The following THAP10 variants were observed in gnomAD, a reference collection of about 807,000 sequenced individuals.
The protein encoded by THAP10 is THAP domain containing 10.
THAP10 carries 10 observed loss-of-function variants against 15.7 expected under a neutral mutation model. The observed-to-expected ratio is 0.64, with a 90% CI of 0.39 to 1.08. The LOEUF (loss-of-function observed/expected upper bound fraction) is 1.08, where lower values mean the gene tolerates loss of function less well. Ranked by LOEUF, THAP10 falls within the 50% of genes least tolerant of loss-of-function variation. THAP10 has a pLI of 0.01. For missense variants in THAP10, 310 were observed against 330.9 expected (o/e 0.94, Z 0.49); for synonymous variants, 127 against 129.1 (o/e 0.98, Z 0.11).
rs1221574515 is a variant in THAP10 at position 70,892,060 on chromosome 15, C to T, written c.213G>A (p.Lys71=). ...ACFDVSSVIQ[K]NLRFSQRLRL... The stretch of plus-strand genomic sequence containing the variant: ...TCAGGCGCTGGGAGAAGCGCAGGTT[C>T]TTCTGGATAACCGAAGAGACGTCAA... Residue 71 remains lysine (K), a synonymous_variant, in exon 1 of 3, where the codon AAG becomes AAA. Transcript: ENST00000249861. The T allele has an allele frequency of 4.3e-6, 7 of 1,613,842 alleles. No individual in the cohort carries two copies. Among genetic ancestry groups the T allele is most frequent in the Non-Finnish European group, 5.9e-6 (7 of 1,179,888 alleles).
rs2033600295 is a variant in THAP10, at chr15:70,892,082, T to C, written c.191A>G (p.Asp64Gly). 1 of 1,613,894 alleles carries C rather than the reference T, an allele frequency of 6.2e-7. No individual in the cohort carries two copies. The highest frequency in any genetic ancestry group is 8.5e-7 in the Non-Finnish European group (1 of 1,179,906). Residue 64 changes from aspartate to glycine, a missense_variant, in exon 1 of 3, where the codon GAC becomes GGC. Asp to Gly is a moderately conservative substitution (Grantham distance 94). Transcript: ENST00000249861. Reference sequence around the variant, plus strand: ...GTTCTTCTGGATAACCGAAGAGACGTCAAAACAGGCTGGGGCAAAGTGGTC... The same window carrying C: ...GTTCTTCTGGATAACCGAAGAGACGCCAAAACAGGCTGGGGCAAAGTGGTC... ...CSDHFAPACF[D>G]VSSVIQKNLR...
intron 1 of THAP10, among the ~76,000 whole-genome samples, chr15:70,884,229 T>C (rs1298814406): frequency 6.6e-6 from 1 of 152,116 alleles, no homozygotes; most frequent in African/African-American, 2.4e-5. Context: ...TCATAGGCTA[T>C]TGATACCCAA....
intron 1 of THAP10, 38 bp downstream of exon 1, chr15:70,891,806 C>T (rs1042246621): frequency 6.7e-7 from 1 of 1,496,390 alleles, no homozygotes; most frequent in Non-Finnish European, 8.9e-7. Flanking sequence ...AGCCAGAGTC[C>T]AGGGGTCCTT....
At chr15:70,890,036 T>C (rs1307775731) in intron 1 of THAP10, among the ~76,000 whole-genome samples, 2 of 152,252 alleles carry the variant, frequency 1.3e-5, no homozygotes, top group African/African-American at 2.4e-5. Flanking sequence ...TTATAAATGT[T>C]GGCTGGTTAT....
At chr15:70,889,587 G>A (rs1445824242) in intron 1 of THAP10, among the ~76,000 whole-genome samples, 1 of 152,088 alleles carries the variant, frequency 6.6e-6, no homozygotes, top group Non-Finnish European at 1.5e-5. Context: ...ATTCAGTTGG[G>A]TTTTTTAAAA....
In THAP10 at chr15:70,885,435, C is replaced by T. The variant is rs557581922; in HGVS notation, c.430-2527G>A. On this transcript the variant is annotated intron_variant, in intron 1 of 2. Transcript: ENST00000249861. ...AAACAACAGAAACCAAACCTATGCA[C>T]ACTACAGTAAAACTGGAAAATGAAG... Among the ~76,000 whole-genome samples the T allele has an allele frequency of 2.3e-3, 356 of 152,226 alleles. 5 individuals carry two copies. The highest frequency in any genetic ancestry group is 0.02 in the Middle Eastern group (6 of 294).
intron 1 of THAP10, among the ~76,000 whole-genome samples, chr15:70,886,579 A>G (rs1372862466): frequency 2.6e-5 from 4 of 152,196 alleles, no homozygotes; most frequent in Non-Finnish European, 4.4e-5. Context: ...ATAAAAATTG[A>G]TAAACCGGTG....
intron 1 of THAP10, among the ~76,000 whole-genome samples, chr15:70,886,709 T>C (rs796102462): frequency 2.0e-5 from 3 of 152,058 alleles, no homozygotes; most frequent in African/African-American, 7.2e-5. Flanking sequence ...CTACTAAAAA[T>C]ACAAAAATTA....
At position 70,891,993 on chromosome 15, in the gene THAP10, C is replaced by CGGGCACCCGGTGCAGGGT. The variant is rs757765786; in HGVS notation, c.262_279dup (p.Thr88_Pro93dup). On this transcript the variant is annotated inframe_insertion, in exon 1 of 3. Coordinates refer to ENST00000249861, the MANE Select transcript of THAP10 (RefSeq NM_020147.4). ...TCCTCTCCCCTCTTAGGTGCCGGGG[C>CGGGCACCCGGTGCAGGGT]GGGCACCCGGTGCAGGGTGGGCACG... 18 of 1,612,994 alleles carry CGGGCACCCGGTGCAGGGT rather than the reference C, an allele frequency of 1.1e-5. No homozygotes were observed. The South Asian group carries it at 1.3e-4, about 12-fold the overall frequency.
In THAP10 at chr15:70,888,195, T is replaced by C. The variant is rs1427054236; in HGVS notation, c.429+3649A>G. 4.6e-5 allele frequency among the ~76,000 whole-genome samples: 7 copies of C among 152,306 alleles called. No individual in the cohort carries two copies. In the East Asian group the frequency reaches 1.3e-3, roughly 29 times the overall value. On this transcript the variant is annotated intron_variant, in intron 1 of 2. Transcript: ENST00000249861. ...ATTGACAAATCAATTCTGAAATGTATCTAGAAATCTAAAGAGCCCAACATA... is the reference window on the plus strand; with the variant it reads ...ATTGACAAATCAATTCTGAAATGTACCTAGAAATCTAAAGAGCCCAACATA...
chr15:70,892,032 G>C lies in THAP10; in HGVS notation c.241C>G (p.Leu81Val). Residue 81 changes from leucine to valine, a missense_variant, in exon 1 of 3, where the codon CTG becomes GTG. Leu to Val is a conservative substitution (Grantham distance 32). Coordinates refer to ENST00000249861, the MANE Select transcript of THAP10 (RefSeq NM_020147.4). ...KNLRFSQRLR[L>V]VAGAVPTLHR... is the part of the protein sequence containing the mutation. ...AGGGTGGGCACGGCGCCTGCCACCA[G>C]CCTCAGGCGCTGGGAGAAGCGCAGG... The C allele has an allele frequency of 6.2e-7, 1 of 1,613,374 alleles. No homozygotes were observed. The highest frequency in any genetic ancestry group is 8.5e-7 in the Non-Finnish European group (1 of 1,179,702).
chr15:70,883,028 T>C, intron 1 of THAP10, 120 bp from the exon 2 acceptor site: 1 of 943,416 alleles, frequency 1.1e-6, no homozygotes, highest in Middle Eastern at 2.8e-4. Flanking sequence ...TTAGTAAGGC[T>C]GATATTTGAA....
At chr15:70,891,567 C>CTGTGTGTGTG (rs3220843) in intron 1 of THAP10, among the ~76,000 whole-genome samples, 1,863 of 137,014 alleles carry the variant, frequency 0.014, 33 homozygotes, top group Admixed American at 0.029. Flanking sequence ...GGACAAGACT[C>CTGTGTGTGTG]TGTGTGTGTG....
chr15:70,887,637 T>C (rs548579784), intron 1 of THAP10, among the ~76,000 whole-genome samples: 7 of 152,254 alleles, frequency 4.6e-5, no homozygotes, highest in Admixed American at 4.6e-4. Flanking sequence ...ATAGTAAAAA[T>C]CATAATCAAA....
At chr15:70,882,987 G>T in intron 1 of THAP10, 79 bp from the exon 2 acceptor site, 1 of 1,476,166 alleles carries the variant, frequency 6.8e-7, no homozygotes, top group Non-Finnish European at 9.2e-7. Context: ...CAAGTAGTAA[G>T]ACAGTATAGC....
At chr15:70,890,449 T>C (rs557805758) in intron 1 of THAP10, among the ~76,000 whole-genome samples, 37 of 152,338 alleles carry the variant, frequency 2.4e-4, no homozygotes, top group African/African-American at 8.2e-4. Flanking sequence ...TAAATATTTA[T>C]TGAATTACTT....
In THAP10 at chr15:70,882,629, G is replaced by A. The variant is rs960240233; in HGVS notation, c.599C>T (p.Ala200Val). The A allele has an allele frequency of 1.9e-6, 3 of 1,613,678 alleles. No individual in the cohort carries two copies. The highest frequency in any genetic ancestry group is 2.5e-6 in the Non-Finnish European group (3 of 1,179,852). Residue 200 changes from alanine (A) to valine (V), a missense_variant, in exon 3 of 3, where the codon GCG becomes GTG. Physicochemically the swap from Ala to Val is moderately conservative, Grantham distance 64. Coordinates refer to ENST00000249861, the MANE Select transcript of THAP10 (RefSeq NM_020147.4). ...RSVGIQAKVK[A>V]FGKRLCNATT... is the part of the protein sequence containing the mutation. Reference sequence around the variant, plus strand: ...TGCATTACACAGTCTTTTTCCAAACGCTTTCACTTTGGCTTGAATACCTGA... The same window carrying A: ...TGCATTACACAGTCTTTTTCCAAACACTTTCACTTTGGCTTGAATACCTGA...
rs80190745 is a variant in THAP10 at position 70,891,801 on chromosome 15, G to C, written c.429+43C>G. On this transcript the variant is annotated intron_variant, in intron 1 of 2. Coordinates refer to ENST00000249861, the MANE Select transcript of THAP10 (RefSeq NM_020147.4). Reference sequence around the variant, plus strand: ...GACACTAAGTGGAGGAGCCCAGCCAGAGTCCAGGGGTCCTTACACAACCTT... The same window carrying C: ...GACACTAAGTGGAGGAGCCCAGCCACAGTCCAGGGGTCCTTACACAACCTT... The C allele has an allele frequency of 5.8e-3, 8,448 of 1,468,610 alleles. 368 individuals carry two copies. In the African/African-American group the frequency reaches 0.1, roughly 18 times the overall value. The allele number at this position is 1,468,610 out of a possible 1,614,324, so 91.0% of individuals were successfully genotyped here.
In THAP10 at chr15:70,892,246, G is replaced by A; in HGVS notation, c.27C>T (p.His9=). The A allele has an allele frequency of 6.3e-7, 1 of 1,582,148 alleles. No individual in the cohort carries two copies. The highest frequency in any genetic ancestry group is 1.1e-5 in the South Asian group (1 of 87,244). The change falls in exon 1 of 3, where the codon CAC becomes CAT. Residue 9 remains histidine (H), a synonymous_variant. Coordinates refer to ENST00000249861, the MANE Select transcript of THAP10 (RefSeq NM_020147.4). Reference sequence around the variant, plus strand: ...TCCCAGACTTGGTGGTGTTGCCGCAGTGGGCGGCCACACAACGGGCCGGCA... The same window carrying A: ...TCCCAGACTTGGTGGTGTTGCCGCAATGGGCGGCCACACAACGGGCCGGCA... MPARCVAA[H]CGNTTKSGKS... is the part of the protein sequence containing the mutation.
Sources: allele counts gnomAD v4.1 joint callset (sites outside exome capture counted in the v4.1 genomes callset), GRCh38; gene constraint gnomAD v4.1.1; transcripts MANE v1.5; gene names NCBI Gene and HGNC (gene_info 2026-07-23, HGNC 2026-07-21).